Variants in RAD54B observed in about 807,000 individuals in gnomAD.
The protein encoded by RAD54B is RAD54 homolog B, also known as DNA repair and recombination protein RAD54B.
In RAD54B, 78 loss-of-function variants were observed where a neutral mutation model predicts 95.8. That is an observed-to-expected ratio of 0.81 (90% CI 0.68 to 0.98). The LOEUF (loss-of-function observed/expected upper bound fraction) is 0.98. Among genes scored for constraint, RAD54B ranks in the 50% least tolerant of loss-of-function variants. RAD54B has a pLI of 0.00. For synonymous variants in RAD54B, 328 were observed against 354.9 expected, an observed-to-expected ratio of 0.92 and a Z score of 0.85; for missense variants, 957 against 1,056.6, an observed-to-expected ratio of 0.91 and a Z score of 1.31.
chr8:94,419,333 C>T (rs1321508878), intron 3 of RAD54B, among the ~76,000 whole-genome samples: 1 of 151,980 alleles, frequency 6.6e-6, no homozygotes, highest in Non-Finnish European at 1.5e-5. Flanking sequence ...CATGGTGAAA[C>T]CCTGTCTCTA....
Position 94,458,265 on chromosome 8 carries a change from T to C in RAD54B, c.304+3A>G. The C allele has an allele frequency of 6.3e-7, 1 of 1,592,278 alleles. No individual in the cohort carries two copies. Among genetic ancestry groups the C allele is most frequent in the Non-Finnish European group, 8.5e-7 (1 of 1,172,976 alleles). ...AAACCTTATCAATAAAAAGCAGTCT[T>C]ACCTGTATGAGGTGGATCTAATGTT... On this transcript the variant is annotated splice_donor_region_variant and intron_variant, in intron 3 of 14. Coordinates refer to ENST00000336148, the MANE Select transcript of RAD54B (RefSeq NM_012415.3).
intron 3 of RAD54B, among the ~76,000 whole-genome samples, chr8:94,453,166 AAATATCCATTATTAAGAC>A (rs1423284973): frequency 2.0e-5 from 3 of 152,218 alleles, no homozygotes; most frequent in African/African-American, 7.2e-5. Flanking sequence ...CAAACAAACT[AAATATCCATTATTAAGAC>A]ATTGGTTAAG....
At chr8:94,380,433 A>C (rs1400953778) in intron 11 of RAD54B, 27 bp from the exon 12 acceptor site, 7 of 1,561,222 alleles carry the variant, frequency 4.5e-6, no homozygotes, top group African/African-American at 1.4e-5. Context: ...AAGATTCTTT[A>C]GATAAATTTA....
intron 12 of RAD54B, among the ~76,000 whole-genome samples, chr8:94,379,382 C>A (rs574507954): frequency 3.9e-5 from 6 of 152,112 alleles, no homozygotes; most frequent in Admixed American, 3.9e-4. Context: ...CCCTGGTGGA[C>A]AATATTCTAT....
intron 3 of RAD54B, among the ~76,000 whole-genome samples, chr8:94,424,137 A>G (rs934015045): frequency 1.3e-5 from 2 of 152,212 alleles, no homozygotes; most frequent in Admixed American, 6.5e-5. Flanking sequence ...ACTTATAAGT[A>G]ACTTTGAAAT....
At chr8:94,405,852 T>G (rs1333423962) in intron 5 of RAD54B, among the ~76,000 whole-genome samples, 1 of 152,166 alleles carries the variant, frequency 6.6e-6, no homozygotes, top group Non-Finnish European at 1.5e-5. Context: ...AGTTCAAATT[T>G]TAAGATGTTT....
intron 3 of RAD54B, among the ~76,000 whole-genome samples, chr8:94,436,001 ATT>A (rs1812247514): frequency 6.6e-6 from 1 of 152,086 alleles, no homozygotes; most frequent in African/African-American, 2.4e-5. Flanking sequence ...TTACTTATTG[ATT>A]TTGTTTATAT....
In RAD54B at chr8:94,451,762, T is replaced by C. The variant is rs1372356135; in HGVS notation, c.304+6506A>G. Reference sequence around the variant, plus strand: ...AATGATTGGCCTGTACTCCTTAAGTTAAAAAGTCACAAAATAGAAGCAAAG... The same window carrying C: ...AATGATTGGCCTGTACTCCTTAAGTCAAAAAGTCACAAAATAGAAGCAAAG... On this transcript the variant is annotated intron_variant, in intron 3 of 14. Coordinates refer to ENST00000336148, the MANE Select transcript of RAD54B (RefSeq NM_012415.3). Among the ~76,000 whole-genome samples, 21 of 151,886 alleles carry C rather than the reference T, an allele frequency of 1.4e-4. 1 individual carries two copies. Among genetic ancestry groups the C allele is most frequent in the Admixed American group, 1.4e-3 (21 of 15,254 alleles).
intron 3 of RAD54B, among the ~76,000 whole-genome samples, chr8:94,447,621 C>T (rs1429588907): frequency 6.6e-6 from 1 of 152,164 alleles, no homozygotes; most frequent in African/African-American, 2.4e-5. Context: ...GGTAAGGATT[C>T]CTCTTCACGA....
At chr8:94,410,370 CA>C (rs1289911562) in intron 4 of RAD54B, among the ~76,000 whole-genome samples, 1 of 152,126 alleles carries the variant, frequency 6.6e-6, no homozygotes, top group East Asian at 1.9e-4. Flanking sequence ...TCCTAATCAT[CA>C]ATTACTTTGC....
chr8:94,396,105 A>G (rs568084536), intron 8 of RAD54B, among the ~76,000 whole-genome samples: 125 of 152,108 alleles, frequency 8.2e-4, no homozygotes, highest in African/African-American at 2.9e-3. Flanking sequence ...GAAGGGGGGA[A>G]AAAGATGAGA....
chr8:94,438,030 G>C (rs1324009794), intron 3 of RAD54B, among the ~76,000 whole-genome samples: 1 of 152,166 alleles, frequency 6.6e-6, no homozygotes, highest in Non-Finnish European at 1.5e-5. Context: ...TAGTTATTAA[G>C]AGGTAGGAAA....
chr8:94,400,536 A>G (rs1811245613), intron 6 of RAD54B, 73 bp from the exon 7 acceptor site: 3 of 1,233,728 alleles, frequency 2.4e-6, no homozygotes, highest in Non-Finnish European at 3.4e-6. Flanking sequence ...ATCAAGAACC[A>G]GAAACTGATA....
chr8:94,446,402 G>A (rs921263684), intron 3 of RAD54B, among the ~76,000 whole-genome samples: 5 of 151,988 alleles, frequency 3.3e-5, no homozygotes, highest in African/African-American at 9.7e-5. Context: ...GCATACACAG[G>A]GCATCAAAGG....
intron 3 of RAD54B, among the ~76,000 whole-genome samples, chr8:94,415,350 T>C: frequency 2.1e-5 from 3 of 144,398 alleles, no homozygotes; most frequent in South Asian, 2.3e-4. Context: ...TCCTTACACC[T>C]TATACAAAAA....
chr8:94,429,747 C>T, intron 3 of RAD54B: 2 of 984,398 alleles, frequency 2.0e-6, no homozygotes, highest in Middle Eastern at 5.2e-4. Flanking sequence ...ATATTCAGGA[C>T]ATCTTTATAA....
chr8:94,404,787 AT>A (rs1811346584), intron 5 of RAD54B, among the ~76,000 whole-genome samples: 1 of 152,138 alleles, frequency 6.6e-6, no homozygotes, highest in Non-Finnish European at 1.5e-5. Context: ...CTTGAAGTTA[AT>A]TACTACATTC....
intron 3 of RAD54B, among the ~76,000 whole-genome samples, chr8:94,420,013 T>C (rs1327094935): frequency 1.3e-5 from 2 of 152,230 alleles, no homozygotes; most frequent in Non-Finnish European, 1.5e-5. Flanking sequence ...TCTACAGTAT[T>C]CAGCACAGCA....
intron 3 of RAD54B, among the ~76,000 whole-genome samples, chr8:94,413,020 G>A (rs1811568084): frequency 6.6e-6 from 1 of 151,916 alleles, no homozygotes; most frequent in Non-Finnish European, 1.5e-5. Context: ...AGATAACCCA[G>A]ATCTCTACAC....
Sources: gnomAD v4.1 joint callset for allele counts (sites outside exome capture counted in the v4.1 genomes callset) on GRCh38, gnomAD v4.1.1 for gene constraint, MANE v1.5 for transcripts, NCBI Gene and HGNC (gene_info 2026-07-23, HGNC 2026-07-21) for gene names.